Variants in USP31 observed in about 807,000 individuals in gnomAD.
USP31 encodes the protein ubiquitin carboxyl-terminal hydrolase 31.
In USP31, 44 loss-of-function variants were observed where a neutral mutation model predicts 119.4. The observed-to-expected ratio is 0.37, with a 90% CI of 0.29 to 0.47. The LOEUF is 0.47. Among genes scored for constraint, USP31 ranks in the 20% least tolerant of loss-of-function variants. The pLI, the probability that USP31 is intolerant of heterozygous loss-of-function variation, is 0.99. For missense variants in USP31, 1,643 were observed against 1,730.2 expected, an observed-to-expected ratio of 0.95 and a Z score of 0.89; for synonymous variants, 749 against 705.6, an observed-to-expected ratio of 1.06 and a Z score of -0.97.
In USP31 at chr16:23,067,221, C is replaced by G. The variant is rs1277443216; in HGVS notation, c.*825G>C. 1 of 152,638 alleles carries G rather than the reference C, an allele frequency of 6.6e-6. No homozygotes were observed. The highest frequency in any genetic ancestry group is 1.5e-5 in the Non-Finnish European group (1 of 68,042). 9.5% of individuals were successfully genotyped at this position (152,638 alleles called of 1,614,324 possible). ...TTCCAAGAGCCTTAGCTAGTAATTT[C>G]AGAAGGAAAAAAAATTAAACGAGTG... On this transcript the variant is annotated 3_prime_UTR_variant, in exon 16 of 16. Transcript: ENST00000219689.
At chr16:23,133,597 T>C (rs1268427995) in intron 1 of USP31, among the ~76,000 whole-genome samples, 1 of 152,324 alleles carries the variant, frequency 6.6e-6, no homozygotes, top group African/African-American at 2.4e-5. Context: ...TGCTACCCTT[T>C]GAGGGAACAG....
In USP31 at chr16:23,084,918, T is replaced by C. The variant is rs751232451; in HGVS notation, c.1772A>G (p.His591Arg). ...GGATAAAGTGCAGGTTTGAGGCTGA[T>C]GATGACGCTCCCTTTGCAGACGAAC... ...ESVRLQRERH[H>R]QPQTCTLSQC... Residue 591 changes from histidine to arginine, a missense_variant, in exon 11 of 16, where the codon CAT (histidine) becomes CGT (arginine). Transcript: ENST00000219689. The C allele has an allele frequency of 1.9e-6, 3 of 1,614,150 alleles. No homozygotes were observed. The highest frequency in any genetic ancestry group is 4.5e-5 in the East Asian group (2 of 44,878).
chr16:23,064,203 T>A lies in USP31; in HGVS notation c.*3843A>T, dbSNP rs907749216. 8 of 152,660 alleles carry A rather than the reference T, an allele frequency of 5.2e-5. No individual in the cohort carries two copies. Among genetic ancestry groups the A allele is most frequent in the African/African-American group, 1.7e-4 (7 of 41,468 alleles). The allele number at this position is 152,660 out of a possible 1,614,324, so 9.5% of individuals were successfully genotyped here. On this transcript the variant is annotated 3_prime_UTR_variant, in exon 16 of 16. Transcript: ENST00000219689. ...CCCAGAAACACTAGTTAAATCTTTG[T>A]ATCCAATAATTATAATAACCTACAT... is the stretch of plus-strand genomic sequence containing the variant.
chr16:23,063,607 T>C lies in USP31; in HGVS notation c.*4439A>G, dbSNP rs1302401222. On this transcript the variant is annotated 3_prime_UTR_variant, in exon 16 of 16. Coordinates refer to ENST00000219689, the MANE Select transcript of USP31 (RefSeq NM_020718.4). ...AAATACTTTACAATCTCGCCAATGA[T>C]CAGAAAAACAGCAGAGAAATATATG... 2 of 152,380 alleles carry C rather than the reference T, an allele frequency of 1.3e-5. No individual in the cohort carries two copies. Among genetic ancestry groups the C allele is most frequent in the Admixed American group, 6.6e-5 (1 of 15,250 alleles). The allele number at this position is 152,380 out of a possible 1,614,324, so 9.4% of individuals were successfully genotyped here. A position where few individuals can be genotyped will look rare whatever the true frequency, so the allele number is the denominator to read the frequency against.
intron 1 of USP31, among the ~76,000 whole-genome samples, chr16:23,144,143 G>T (rs1324905867): frequency 6.6e-6 from 1 of 151,992 alleles, no homozygotes; most frequent in African/African-American, 2.4e-5. Flanking sequence ...AAATCAATGT[G>T]GTTAAAAAGG....
Position 23,149,402 on chromosome 16 carries a change from A to C in USP31, c.-132T>G. On this transcript the variant is annotated 5_prime_UTR_variant, in exon 1 of 16. Coordinates refer to ENST00000219689, the MANE Select transcript of USP31 (RefSeq NM_020718.4). The stretch of plus-strand genomic sequence containing the variant: ...CGACGCCCCACACACCTCAAAGCGC[A>C]GCCGAGCCAGCGAGCGAGCGGCGGC... 1.0e-6 allele frequency: 1 copy of C among 963,014 alleles called. No homozygotes were observed. Among genetic ancestry groups the C allele is most frequent in the Non-Finnish European group, 1.2e-6 (1 of 811,788 alleles). 59.7% of individuals were successfully genotyped at this position (963,014 alleles called of 1,614,324 possible).
intron 12 of USP31, among the ~76,000 whole-genome samples, chr16:23,080,928 T>C (rs1225022070): frequency 6.6e-6 from 1 of 152,158 alleles, no homozygotes; most frequent in Non-Finnish European, 1.5e-5. Flanking sequence ...GTGGCTTTTA[T>C]GGAAAAGGTG....
chr16:23,076,634 C>G (rs1008567034), intron 13 of USP31, among the ~76,000 whole-genome samples: 2 of 152,174 alleles, frequency 1.3e-5, no homozygotes, highest in Non-Finnish European at 2.9e-5. Flanking sequence ...TTGGAGGTTT[C>G]CAGGCATTTT....
intron 1 of USP31, among the ~76,000 whole-genome samples, chr16:23,131,918 AG>A (rs1357426431): frequency 6.6e-6 from 1 of 152,222 alleles, no homozygotes; most frequent in African/African-American, 2.4e-5. Context: ...GGGTCCTTCC[AG>A]TAGAAGCAGA....
In USP31 at chr16:23,068,089, G is replaced by C. The variant is rs1170414419; in HGVS notation, c.4016C>G (p.Ser1339Cys). ...SAEKSSKKLSSSMQTSARPSQ... is the reference protein window; with the variant it reads ...SAEKSSKKLSCSMQTSARPSQ... ...AGGCCGTGCAGAGGTTTGCATGCTA[G>C]AAGATAACTTTTTTGAGGATTTCTC... The change falls in exon 16 of 16, where the codon TCT (serine) becomes TGT (cysteine). Residue 1339 changes from serine (S) to cysteine (C), a missense_variant. Transcript: ENST00000219689. 8 of 1,614,090 alleles carry C rather than the reference G, an allele frequency of 5.0e-6. No homozygotes were observed. The highest frequency in any genetic ancestry group is 5.9e-6 in the Non-Finnish European group (7 of 1,180,044).
At chr16:23,103,613 T>C (rs759007138) in intron 5 of USP31, among the ~76,000 whole-genome samples, 31 of 152,186 alleles carry the variant, frequency 2.0e-4, no homozygotes, top group Non-Finnish European at 3.1e-4. Flanking sequence ...ATGGTTATTT[T>C]ACAATAAAAC....
In USP31 at chr16:23,135,609, T is replaced by C. The variant is rs190694802; in HGVS notation, c.633+13029A>G. ...ATAGCATCAACAAGAATAAAATACT[T>C]AGGAATAAATTTAACCAAGGAAGGA... On this transcript the variant is annotated intron_variant, in intron 1 of 15. Coordinates refer to ENST00000219689, the MANE Select transcript of USP31 (RefSeq NM_020718.4). Among the ~76,000 whole-genome samples, 773 of 151,986 alleles carry C rather than the reference T, an allele frequency of 5.1e-3. 4 individuals are homozygous for C. The highest frequency in any genetic ancestry group is 0.014 in the Middle Eastern group (4 of 294).
chr16:23,102,737 G>A (rs1057433003), intron 5 of USP31, among the ~76,000 whole-genome samples: 7 of 152,066 alleles, frequency 4.6e-5, no homozygotes, highest in Non-Finnish European at 8.8e-5. Context: ...AAAAAAAAAG[G>A]ATGATTGAAT....
At position 23,063,887 on chromosome 16, in the gene USP31, T is replaced by C. The variant is rs1899956362; in HGVS notation, c.*4159A>G. ...TCATGCTCAAAATGCATCTGCAAAA[T>C]ACTTTGAAAGTTGATCAAAAGGCAG... is the stretch of plus-strand genomic sequence containing the variant. On this transcript the variant is annotated 3_prime_UTR_variant, in exon 16 of 16. Transcript: ENST00000219689. 6.6e-6 allele frequency: 1 copy of C among 152,202 alleles called. No homozygotes were observed. The highest frequency in any genetic ancestry group is 2.4e-5 in the African/African-American group (1 of 41,452). The allele number at this position is 152,202 out of a possible 1,614,324, so 9.4% of individuals were successfully genotyped here.
chr16:23,149,032 G>A lies in USP31; in HGVS notation c.239C>T (p.Ser80Phe), dbSNP rs1383035015. ...GCCGCGGTCTGGGGCGGCGCCCTCA[G>A]AGCTAAGGTGCGAGAGCGTGGACAG... ...KTLSTLSHLS[S>F]EGAAPDRGGL... Residue 80 changes from serine to phenylalanine, a missense_variant, in exon 1 of 16, where the codon TCT becomes TTT. Ser to Phe is a radical substitution (Grantham distance 155). Coordinates refer to ENST00000219689, the MANE Select transcript of USP31 (RefSeq NM_020718.4). 23 of 1,213,364 alleles carry A rather than the reference G, an allele frequency of 1.9e-5. No individual in the cohort carries two copies. Among genetic ancestry groups the A allele is most frequent in the Non-Finnish European group, 2.2e-5 (21 of 951,702 alleles). 75.2% of individuals were successfully genotyped at this position (1,213,364 alleles called of 1,614,324 possible). A position where few individuals can be genotyped will look rare whatever the true frequency, so the allele number is the denominator to read the frequency against.
chr16:23,123,958 C>A (rs1902764332), intron 1 of USP31, among the ~76,000 whole-genome samples: 1 of 151,648 alleles, frequency 6.6e-6, no homozygotes, highest in Non-Finnish European at 1.5e-5. Flanking sequence ...ATGATCACAC[C>A]ACTGCACTCC....
In USP31 at chr16:23,125,085, GACC is replaced by G. The variant is rs1021427305; in HGVS notation, c.634-16905_634-16903del. 7.2e-5 allele frequency among the ~76,000 whole-genome samples: 11 copies of G among 152,252 alleles called. No individual in the cohort carries two copies. The East Asian group carries it at 1.2e-3, about 16-fold the overall frequency. ...ACCAGCATCCCTTTCTTATGTCCCA[GACC>G]TGCTGTCACAGGCTGGGTTGGTTGG... On this transcript the variant is annotated intron_variant, in intron 1 of 15. Transcript: ENST00000219689.
intron 8 of USP31, 36 bp downstream of exon 8, chr16:23,087,687 AC>A (rs1434670477): frequency 6.4e-7 from 1 of 1,554,442 alleles, no homozygotes. Flanking sequence ...CTGAGTATAT[AC>A]CCATGCTATG....
intron 1 of USP31, among the ~76,000 whole-genome samples, chr16:23,111,830 G>A (rs1166653411): frequency 1.3e-5 from 2 of 152,216 alleles, no homozygotes; most frequent in East Asian, 3.8e-4. Flanking sequence ...GTGATCAACA[G>A]TGTGAAATGT....
Sources: gnomAD v4.1 joint callset for allele counts (sites outside exome capture counted in the v4.1 genomes callset) on GRCh38, gnomAD v4.1.1 for gene constraint, MANE v1.5 for transcripts, NCBI Gene and HGNC (gene_info 2026-07-23, HGNC 2026-07-21) for gene names.